The following MYO16 variants were observed in gnomAD, a reference collection of about 807,000 sequenced individuals.
The protein encoded by MYO16 is myosin XVI.
A neutral mutation model predicts 205.3 loss-of-function variants in MYO16; 94 were observed. The observed-to-expected ratio is 0.46, with a 90% CI of 0.39 to 0.54. MYO16 has a LOEUF of 0.54. Ranked by LOEUF, MYO16 falls within the 20% of genes least tolerant of loss-of-function variation. MYO16 has a pLI of 0.00. For synonymous variants in MYO16, 988 were observed against 954.0 expected (o/e 1.04, Z -0.66); for missense variants, 2,315 against 2,387.5 (o/e 0.97, Z 0.63).
intron 20 of MYO16, among the ~76,000 whole-genome samples, chr13:108,974,100 A>G (rs1269738416): frequency 1.3e-5 from 2 of 152,164 alleles, no homozygotes; most frequent in Non-Finnish European, 2.9e-5. Flanking sequence ...TTACGTTCTC[A>G]TTTCCTAATT....
the MYO16 span, among the ~76,000 whole-genome samples, chr13:108,502,834 C>G: frequency 6.6e-6 from 1 of 152,018 alleles, no homozygotes; most frequent in South Asian, 2.1e-4. Flanking sequence ...ATTAATATAC[C>G]TTTTATCTTT....
the MYO16 span, among the ~76,000 whole-genome samples, chr13:108,550,930 A>G: frequency 6.6e-6 from 1 of 152,220 alleles, no homozygotes; most frequent in African/African-American, 2.4e-5. Flanking sequence ...CATTTTACAC[A>G]TTTGATAAAT....
At chr13:109,175,843 T>C (rs768961288) in intron 33 of MYO16, among the ~76,000 whole-genome samples, 9 of 151,552 alleles carry the variant, frequency 5.9e-5, no homozygotes, top group Non-Finnish European at 1.2e-4. Context: ...GTCTTCACCC[T>C]GGTTAAAATG....
the MYO16 span, among the ~76,000 whole-genome samples, chr13:108,548,214 T>C: frequency 2.0e-5 from 3 of 151,988 alleles, no homozygotes; most frequent in Non-Finnish European, 4.4e-5. Context: ...ATAATGATGA[T>C]GATGGTGGTG....
intron 28 of MYO16, among the ~76,000 whole-genome samples, chr13:109,116,618 C>A (rs1875701542): frequency 6.6e-6 from 1 of 152,144 alleles, no homozygotes; most frequent in Admixed American, 6.5e-5. Context: ...TCACTTCAAC[C>A]TCTGTGTCTA....
chr13:108,992,010 G>T (rs1884851127), intron 20 of MYO16, among the ~76,000 whole-genome samples: 1 of 152,126 alleles, frequency 6.6e-6, no homozygotes, highest in Non-Finnish European at 1.5e-5. Flanking sequence ...TTGTTGTACA[G>T]ATTATTAAAA....
intron 11 of MYO16, among the ~76,000 whole-genome samples, chr13:108,861,787 A>G (rs578189527): frequency 6.6e-6 from 1 of 152,274 alleles, no homozygotes; most frequent in South Asian, 2.1e-4. Flanking sequence ...TGCCATTAAA[A>G]TTGGGTTTTC....
At chr13:109,119,680 C>T (rs1434149050) in intron 28 of MYO16, among the ~76,000 whole-genome samples, 1 of 152,216 alleles carries the variant, frequency 6.6e-6, no homozygotes, top group Admixed American at 6.5e-5. Flanking sequence ...GATAAGTTCT[C>T]ATGCCACTAG....
intron 16 of MYO16, among the ~76,000 whole-genome samples, chr13:108,933,497 A>ATG (rs34277540): frequency 0.057 from 8,564 of 149,698 alleles, 358 homozygotes; most frequent in Admixed American, 0.14. Context: ...GATTATTTGG[A>ATG]TGTGTGTGTG....
chr13:109,182,283 A>G lies in MYO16; in HGVS notation c.5415+2650A>G, dbSNP rs570764925. On this transcript the variant is annotated intron_variant, in intron 34 of 34. Transcript: ENST00000457511. ...CTCCCTCTTCCTCCCCTGCTTTGACAGCTGGACAAACACATGTAAGATGGG... is the reference window on the plus strand; with the variant it reads ...CTCCCTCTTCCTCCCCTGCTTTGACGGCTGGACAAACACATGTAAGATGGG... 2.0e-5 allele frequency among the ~76,000 whole-genome samples: 3 copies of G among 152,304 alleles called. No homozygotes were observed. The East Asian group carries it at 5.8e-4, about 29-fold the overall frequency.
intron 2 of MYO16, among the ~76,000 whole-genome samples, chr13:108,700,348 AAAGAAG>A (rs56374914): frequency 0.017 from 2,225 of 129,530 alleles, 83 homozygotes; most frequent in African/African-American, 0.04. Flanking sequence ...AAAAAAAAAA[AAAGAAG>A]AAGAAGAAGA....
At chr13:108,718,024 C>A (rs1037857391) in intron 3 of MYO16, among the ~76,000 whole-genome samples, 1 of 152,000 alleles carries the variant, frequency 6.6e-6, no homozygotes, top group Non-Finnish European at 1.5e-5. Flanking sequence ...TGCCCAAAAC[C>A]GAGCTGCTCT....
At chr13:108,549,007 C>A in the MYO16 span, among the ~76,000 whole-genome samples, 2 of 152,048 alleles carry the variant, frequency 1.3e-5, no homozygotes, top group African/African-American at 2.4e-5. Context: ...AGAGAGAATT[C>A]CCACAGCACT....
At chr13:108,652,960 C>T (rs1881077748) in intron 1 of MYO16, among the ~76,000 whole-genome samples, 1 of 152,168 alleles carries the variant, frequency 6.6e-6, no homozygotes, top group Non-Finnish European at 1.5e-5. Context: ...TTTGAGAATA[C>T]TCCAAACTGT....
chr13:109,189,796 A>C (rs56327012), intron 34 of MYO16, among the ~76,000 whole-genome samples: 17,783 of 152,250 alleles, frequency 0.12, 1,402 homozygotes, highest in Middle Eastern at 0.18. Context: ...CGTCAGCTTA[A>C]AGATCTCCAT....
At chr13:108,743,762 C>T (rs1050541730) in intron 4 of MYO16, among the ~76,000 whole-genome samples, 1 of 152,188 alleles carries the variant, frequency 6.6e-6, no homozygotes, top group Non-Finnish European at 1.5e-5. Context: ...CTGCTGGAAC[C>T]AAAGCATTCT....
intron 28 of MYO16, among the ~76,000 whole-genome samples, chr13:109,113,860 G>A (rs140931632): frequency 1.9e-4 from 29 of 152,256 alleles, no homozygotes; most frequent in Non-Finnish European, 3.7e-4. Context: ...AGAGAATCCA[G>A]GATAAGATGG....
chr13:108,941,505 C>T (rs554777704), intron 16 of MYO16, among the ~76,000 whole-genome samples: 3 of 151,802 alleles, frequency 2.0e-5, no homozygotes, highest in African/African-American at 4.8e-5. Context: ...GGTGAAACCC[C>T]GTGTCTACTA....
chr13:108,973,839 T>A (rs766354883), intron 20 of MYO16, among the ~76,000 whole-genome samples: 21 of 152,182 alleles, frequency 1.4e-4, no homozygotes, highest in Admixed American at 4.6e-4. Context: ...AGAAAAATTG[T>A]ACTTCTTCAT....
Sources: gnomAD v4.1 joint callset for allele counts (sites outside exome capture counted in the v4.1 genomes callset) on GRCh38, gnomAD v4.1.1 for gene constraint, MANE v1.5 for transcripts, NCBI Gene and HGNC (gene_info 2026-07-23, HGNC 2026-07-21) for gene names.